The following SLC5A4 variants were observed in gnomAD, a reference collection of about 807,000 sequenced individuals.
The protein encoded by SLC5A4 is probable glucose sensor protein SLC5A4.
Under a neutral mutation model 70.3 loss-of-function variants are expected in SLC5A4, and 55 were observed. The observed-to-expected ratio is 0.78, with a 90% CI of 0.63 to 0.98. The LOEUF (loss-of-function observed/expected upper bound fraction) is 0.98. Among genes scored for constraint, SLC5A4 ranks in the 50% least tolerant of loss-of-function variants. SLC5A4 has a pLI of 0.00. For missense variants in SLC5A4, 735 were observed against 839.2 expected (o/e 0.88, Z 1.53); for synonymous variants, 268 against 305.7 (o/e 0.88, Z 1.29).
At chr22:32,258,948 T>C (rs975278446), upstream of SLC5A4, among the ~76,000 whole-genome samples, 3 of 152,224 alleles carry the variant, frequency 2.0e-5, no homozygotes, top group African/African-American at 2.4e-5. Context: ...GAGGACATTA[T>C]GCTCAGTGAA....
rs750208955 is a variant in SLC5A4 at position 32,225,841 on chromosome 22, T to C, written c.1281-18A>G. The C allele has an allele frequency of 6.4e-7, 1 of 1,558,298 alleles. No individual in the cohort carries two copies. Among genetic ancestry groups the C allele is most frequent in the Admixed American group, 1.9e-5 (1 of 54,030 alleles). On this transcript the variant is annotated intron_variant, in intron 11 of 14. Transcript: ENST00000266086. ...CAAATATCCTGAGAAGAAAACAACA[T>C]AATTTAAACATTAAACAAAAGCACT...
the SLC5A4 span, among the ~76,000 whole-genome samples, chr22:32,326,544 T>A: frequency 1.3e-5 from 2 of 152,234 alleles, no homozygotes; most frequent in East Asian, 3.9e-4. Context: ...CATGAGCCAC[T>A]GTGCCCGGCC....
chr22:32,320,282 G>T, the SLC5A4 span, among the ~76,000 whole-genome samples: 1 of 152,252 alleles, frequency 6.6e-6, no homozygotes, highest in Admixed American at 6.5e-5. Context: ...GGGGGATGCT[G>T]GGGTCATTTC....
At chr22:32,287,970 T>C in the SLC5A4 span, among the ~76,000 whole-genome samples, 1 of 151,722 alleles carries the variant, frequency 6.6e-6, no homozygotes, top group Non-Finnish European at 1.5e-5. Flanking sequence ...ATAGACCTGA[T>C]GGAGAGCACT....
the SLC5A4 span, among the ~76,000 whole-genome samples, chr22:32,334,620 A>C: frequency 1.3e-5 from 2 of 152,030 alleles, no homozygotes; most frequent in Non-Finnish European, 2.9e-5. Context: ...TGTTTCCCTT[A>C]AACGAACGGA....
At chr22:32,342,609 G>A in the SLC5A4 span, among the ~76,000 whole-genome samples, 1 of 152,006 alleles carries the variant, frequency 6.6e-6, no homozygotes, top group African/African-American at 2.4e-5. Flanking sequence ...GCTTATTTAA[G>A]CAATACTTAG....
intron 13 of SLC5A4, among the ~76,000 whole-genome samples, chr22:32,223,279 A>G (rs555644074): frequency 6.6e-6 from 1 of 152,178 alleles, no homozygotes; most frequent in African/African-American, 2.4e-5. Context: ...TCCTACTTGA[A>G]CAAGTATTTA....
At chr22:32,343,766 T>C in the SLC5A4 span, among the ~76,000 whole-genome samples, 2 of 152,202 alleles carry the variant, frequency 1.3e-5, no homozygotes, top group African/African-American at 4.8e-5. Flanking sequence ...GAAAAGCACA[T>C]TTTAAGTCAT....
chr22:32,305,446 T>C, the SLC5A4 span, among the ~76,000 whole-genome samples: 2 of 149,232 alleles, frequency 1.3e-5, 1 homozygote, highest in East Asian at 3.9e-4. Context: ...TTTTGAAGCA[T>C]CGGATGACGA....
At chr22:32,311,880 C>T in the SLC5A4 span, among the ~76,000 whole-genome samples, 2 of 152,260 alleles carry the variant, frequency 1.3e-5, no homozygotes, top group South Asian at 2.1e-4. Flanking sequence ...CTGGGGATCA[C>T]GTCATGTCCA....
chr22:32,335,968 C>A, the SLC5A4 span, among the ~76,000 whole-genome samples: 1 of 152,206 alleles, frequency 6.6e-6, no homozygotes, highest in Non-Finnish European at 1.5e-5. Flanking sequence ...GTCTGCAGTT[C>A]CAACAAGCAT....
chr22:32,268,765 C>A, the SLC5A4 span, among the ~76,000 whole-genome samples: 3 of 152,166 alleles, frequency 2.0e-5, no homozygotes, highest in Non-Finnish European at 4.4e-5. Flanking sequence ...ATAGTTAGGT[C>A]GTGCTCTAGG....
the SLC5A4 span, among the ~76,000 whole-genome samples, chr22:32,326,043 G>A: frequency 6.6e-6 from 1 of 152,214 alleles, no homozygotes; most frequent in Non-Finnish European, 1.5e-5. Flanking sequence ...CAACCTAAGT[G>A]GGAAGGTAAC....
At chr22:32,275,862 A>C in the SLC5A4 span, among the ~76,000 whole-genome samples, 1 of 152,164 alleles carries the variant, frequency 6.6e-6, no homozygotes. Flanking sequence ...ATTTCTCCAC[A>C]TCCTCTCCAG....
chr22:32,283,496 C>A, the SLC5A4 span, among the ~76,000 whole-genome samples: 1 of 151,490 alleles, frequency 6.6e-6, no homozygotes, highest in Non-Finnish European at 1.5e-5. Context: ...ACAAAACAAT[C>A]AATCAGGCCC....
intron 12 of SLC5A4, 34 bp downstream of exon 12, chr22:32,225,621 C>T (rs1350639495): frequency 2.7e-6 from 4 of 1,479,400 alleles, no homozygotes; most frequent in Non-Finnish European, 3.7e-6. Flanking sequence ...TTTCTCACTC[C>T]AGCAGGGAAA....
chr22:32,239,179 T>C, intron 5 of SLC5A4, 89 bp from the exon 6 acceptor site: 1 of 894,046 alleles, frequency 1.1e-6, no homozygotes, highest in Non-Finnish European at 1.8e-6. Flanking sequence ...TCAACCCTTC[T>C]TTTTCTGATA....
the SLC5A4 span, among the ~76,000 whole-genome samples, chr22:32,301,539 C>T: frequency 6.6e-6 from 1 of 152,150 alleles, no homozygotes; most frequent in Admixed American, 6.6e-5. Flanking sequence ...AATAAAAAGA[C>T]ATCCTATGTT....
At chr22:32,303,331 T>C in the SLC5A4 span, among the ~76,000 whole-genome samples, 1 of 152,210 alleles carries the variant, frequency 6.6e-6, no homozygotes, top group Non-Finnish European at 1.5e-5. Flanking sequence ...CATAGGTAAG[T>C]AAGAGACAAA....
Sources: gnomAD v4.1 joint callset for allele counts (sites outside exome capture counted in the v4.1 genomes callset) on GRCh38, gnomAD v4.1.1 for gene constraint, MANE v1.5 for transcripts, NCBI Gene and HGNC (gene_info 2026-07-23, HGNC 2026-07-21) for gene names.